The following DRC11 variants were observed in gnomAD, a reference collection of about 807,000 sequenced individuals.
The protein encoded by DRC11 is dynein regulatory complex subunit 11.
chr2:236,389,014 C>T, the DRC11 span, among the ~76,000 whole-genome samples: 2 of 152,138 alleles, frequency 1.3e-5, no homozygotes, highest in Non-Finnish European at 1.5e-5. Context: ...AGGCAGTCTG[C>T]CCGTTCTCAG....
the DRC11 span, among the ~76,000 whole-genome samples, chr2:236,474,110 C>T: frequency 2.9e-4 from 44 of 151,994 alleles, no homozygotes; most frequent in Non-Finnish European, 5.4e-4. Context: ...AAATGGTTTC[C>T]AGCCAGTGAA....
the DRC11 span, among the ~76,000 whole-genome samples, chr2:236,346,266 A>C: frequency 8.0e-3 from 1,222 of 152,324 alleles, 10 homozygotes; most frequent in South Asian, 0.042. Flanking sequence ...GCCCAGCATC[A>C]CACATGGTCA....
chr2:236,384,955 A>G, the DRC11 span, among the ~76,000 whole-genome samples: 1 of 152,022 alleles, frequency 6.6e-6, no homozygotes, highest in African/African-American at 2.4e-5. Flanking sequence ...AGGTTTGTCA[A>G]AGATCAGATA....
chr2:236,468,951 T>C, the DRC11 span, among the ~76,000 whole-genome samples: 1 of 152,256 alleles, frequency 6.6e-6, no homozygotes, highest in Non-Finnish European at 1.5e-5. Flanking sequence ...ACAGACAAAC[T>C]ATATTTTACC....
the DRC11 span, among the ~76,000 whole-genome samples, chr2:236,345,584 G>A: frequency 6.6e-6 from 1 of 152,248 alleles, no homozygotes; most frequent in Non-Finnish European, 1.5e-5. Context: ...GTTTGGCTGT[G>A]CCTTTGTGGC....
the DRC11 span, among the ~76,000 whole-genome samples, chr2:236,405,641 G>GTGAAAA: frequency 6.6e-6 from 1 of 152,130 alleles, no homozygotes; most frequent in Non-Finnish European, 1.5e-5. This position sits in a 1 kb window ranked among gnomAD's most constrained non-coding sequence, Gnocchi z 4.6. Flanking sequence ...CAGTTGTTAA[G>GTGAAAA]TGAAAATAAA....
the DRC11 span, among the ~76,000 whole-genome samples, chr2:236,478,687 T>C: frequency 3.3e-5 from 5 of 152,306 alleles, no homozygotes; most frequent in Non-Finnish European, 7.4e-5. This position sits in a 1 kb window ranked among gnomAD's most constrained non-coding sequence, Gnocchi z 5.9. Context: ...TAGGTTGATT[T>C]AATGTCTGCT....
At chr2:236,319,878 A>G in the DRC11 span, among the ~76,000 whole-genome samples, 20 of 152,292 alleles carry the variant, frequency 1.3e-4, no homozygotes, top group South Asian at 4.2e-3. This position sits in a 1 kb window ranked among gnomAD's most constrained non-coding sequence, Gnocchi z 6.7. Context: ...CTGATCCCTC[A>G]GCCTAGGTAG....
chr2:236,357,393 T>G, the DRC11 span, among the ~76,000 whole-genome samples: 4 of 124,816 alleles, frequency 3.2e-5, no homozygotes, highest in South Asian at 9.4e-4. Context: ...ATAGATATTA[T>G]ATAGTATATG....
the DRC11 span, among the ~76,000 whole-genome samples, chr2:236,358,170 AAT>A: frequency 4.0e-4 from 48 of 121,378 alleles, no homozygotes; most frequent in African/African-American, 7.4e-4. Context: ...ATGAATATAT[AAT>A]ATATATACTC....
At chr2:236,465,331 T>C in the DRC11 span, among the ~76,000 whole-genome samples, 430 of 152,318 alleles carry the variant, frequency 2.8e-3, 1 homozygote, top group African/African-American at 9.6e-3. This position sits in a 1 kb window ranked among gnomAD's most constrained non-coding sequence, Gnocchi z 6.2. Flanking sequence ...TGGGCCGTTT[T>C]TCCATATTTA....
the DRC11 span, among the ~76,000 whole-genome samples, chr2:236,401,260 T>C: frequency 6.6e-6 from 1 of 152,142 alleles, no homozygotes; most frequent in Non-Finnish European, 1.5e-5. This position sits in a 1 kb window ranked among gnomAD's most constrained non-coding sequence, Gnocchi z 4.6. Flanking sequence ...TGCCATGCTC[T>C]TTGCCCTGCT....
At chr2:236,467,443 T>G in the DRC11 span, among the ~76,000 whole-genome samples, 1 of 152,230 alleles carries the variant, frequency 6.6e-6, no homozygotes, top group Non-Finnish European at 1.5e-5. Flanking sequence ...CAATTTGACT[T>G]TCAGTTACGT....
chr2:236,307,025 C>G, the DRC11 span, among the ~76,000 whole-genome samples: 1 of 152,078 alleles, frequency 6.6e-6, no homozygotes, highest in African/African-American at 2.4e-5. The surrounding 1 kb of genome is among the most constrained non-coding windows in gnomAD (Gnocchi z 7.0). Context: ...AGGGATGGGG[C>G]GGGGTGATTG....
At chr2:236,413,766 T>C in the DRC11 span, among the ~76,000 whole-genome samples, 1 of 152,256 alleles carries the variant, frequency 6.6e-6, no homozygotes, top group African/African-American at 2.4e-5. This position sits in a 1 kb window ranked among gnomAD's most constrained non-coding sequence, Gnocchi z 4.0. Context: ...TGTGATCATG[T>C]TATGACAGGT....
chr2:236,351,760 C>T, the DRC11 span, among the ~76,000 whole-genome samples: 10 of 151,378 alleles, frequency 6.6e-5, no homozygotes, highest in African/African-American at 2.4e-4. This position sits in a 1 kb window ranked among gnomAD's most constrained non-coding sequence, Gnocchi z 7.3. Context: ...GAGCCCGCAG[C>T]GGGGGATAGG....
the DRC11 span, chr2:236,331,433 G>A: frequency 6.2e-7 from 1 of 1,613,972 alleles, no homozygotes; most frequent in South Asian, 1.1e-5. The surrounding 1 kb of genome is among the most constrained non-coding windows in gnomAD (Gnocchi z 4.8). Flanking sequence ...ACTGCAGTGA[G>A]AGGTTTATGA....
At chr2:236,392,043 T>G in the DRC11 span, 1 of 1,614,052 alleles carries the variant, frequency 6.2e-7, no homozygotes, top group South Asian at 1.1e-5. The surrounding 1 kb of genome is among the most constrained non-coding windows in gnomAD (Gnocchi z 5.1). Context: ...CTTTAAGTTT[T>G]TAAGTTCCTG....
At chr2:236,338,333 A>G in the DRC11 span, 1 of 1,614,046 alleles carries the variant, frequency 6.2e-7, no homozygotes, top group African/African-American at 1.3e-5. Context: ...ATCTGGTTTC[A>G]GGAGTTTCAG....
Sources: allele counts gnomAD v4.1 joint callset (sites outside exome capture counted in the v4.1 genomes callset), GRCh38; gene constraint gnomAD v4.1.1; non-coding constraint Gnocchi (gnomAD v3.1); transcripts MANE v1.5; gene names NCBI Gene and HGNC (gene_info 2026-07-23, HGNC 2026-07-21).